Variants in SH3D19 observed in about 807,000 individuals in gnomAD.
The protein encoded by SH3D19 is SH3 domain-containing protein 19.
Under a neutral mutation model 112.1 loss-of-function variants are expected in SH3D19, and 58 were observed. That is an observed-to-expected ratio of 0.52 (90% CI 0.42 to 0.64). The LOEUF is 0.64. Ranked by LOEUF, SH3D19 falls within the 30% of genes least tolerant of loss-of-function variation. The probability of loss-of-function intolerance (pLI) is 0.00; values close to 1 mark genes in which losing one functional copy is unlikely to be tolerated. For synonymous variants in SH3D19, 391 were observed against 448.5 expected, an observed-to-expected ratio of 0.87 and a Z score of 1.62; for missense variants, 1,090 against 1,263.4, an observed-to-expected ratio of 0.86 and a Z score of 2.08.
intron 1 of SH3D19, among the ~76,000 whole-genome samples, chr4:151,296,794 T>C (rs1278786029): frequency 6.6e-6 from 1 of 152,226 alleles, no homozygotes; most frequent in East Asian, 1.9e-4. Flanking sequence ...GCAATTTTTT[T>C]CCTAAATGTG....
At chr4:151,125,767 G>A (rs1749128638) in intron 19 of SH3D19, among the ~76,000 whole-genome samples, 1 of 143,382 alleles carries the variant, frequency 7.0e-6, no homozygotes, top group East Asian at 2.1e-4. Flanking sequence ...CAGAAGAATT[G>A]CTTGAACCCA....
At chr4:151,302,594 T>C (rs1264084877) in intron 1 of SH3D19, among the ~76,000 whole-genome samples, 1 of 152,212 alleles carries the variant, frequency 6.6e-6, no homozygotes, top group East Asian at 1.9e-4. Context: ...TTTGTTGCAA[T>C]GACTCAACTC....
intron 1 of SH3D19, among the ~76,000 whole-genome samples, chr4:151,237,335 T>C (rs934310853): frequency 4.6e-5 from 7 of 152,242 alleles, no homozygotes; most frequent in African/African-American, 1.4e-4. Context: ...CTATCACTTA[T>C]ATATCTTTGA....
In SH3D19 at chr4:151,128,302, T is replaced by C. The variant is rs769643361; in HGVS notation, c.2797A>G (p.Thr933Ala). ...CEALHSFTAE[T>A]SDDLSFKRGD... The stretch of plus-strand genomic sequence containing the variant: ...CTCTTGAATGATAAGTCATCACTGG[T>C]CTCTGCTGTAAAACTGTGAAGAGCT... Residue 933 changes from threonine (T) to alanine (A), a missense_variant, in exon 18 of 20, where the codon ACC becomes GCC. By Grantham distance (58) the Thr-to-Ala change is moderately conservative. Coordinates refer to ENST00000604030, the MANE Select transcript of SH3D19 (RefSeq NM_001378122.1). 1 of 1,614,106 alleles carries C rather than the reference T, an allele frequency of 6.2e-7. No individual in the cohort carries two copies. Among genetic ancestry groups the C allele is most frequent in the South Asian group, 1.1e-5 (1 of 91,062 alleles).
intron 2 of SH3D19, among the ~76,000 whole-genome samples, chr4:151,197,284 G>A (rs907472072): frequency 6.6e-6 from 1 of 152,146 alleles, no homozygotes; most frequent in Non-Finnish European, 1.5e-5. Flanking sequence ...GGGCACCTTA[G>A]GGTAAAATAA....
chr4:151,192,229 G>T (rs1163528924), intron 2 of SH3D19, among the ~76,000 whole-genome samples: 3 of 152,118 alleles, frequency 2.0e-5, no homozygotes, highest in Non-Finnish European at 2.9e-5. Context: ...GAGCCACCGC[G>T]CCCGGCAAGA....
intron 18 of SH3D19, 103 bp downstream of exon 18, chr4:151,128,065 TAG>T (rs1215348720): frequency 1.3e-5 from 12 of 906,122 alleles, no homozygotes; most frequent in Non-Finnish European, 1.9e-5. Flanking sequence ...CTTTCAAATA[TAG>T]ACAGACAAAC....
chr4:151,271,179 A>AC (rs1561417869), intron 1 of SH3D19, among the ~76,000 whole-genome samples: 2 of 151,478 alleles, frequency 1.3e-5, no homozygotes, highest in East Asian at 1.9e-4. Context: ...TTTCACTTTG[A>AC]CCCCCCAAAG....
intron 1 of SH3D19, among the ~76,000 whole-genome samples, chr4:151,307,802 C>T (rs568393940): frequency 2.0e-5 from 3 of 152,346 alleles, no homozygotes; most frequent in African/African-American, 7.2e-5. Flanking sequence ...CAGGGTGAGC[C>T]ATGAGCAGAA....
intron 2 of SH3D19, among the ~76,000 whole-genome samples, chr4:151,196,424 G>C (rs1763480672): frequency 6.6e-6 from 1 of 152,022 alleles, no homozygotes; most frequent in African/African-American, 2.4e-5. Context: ...GAAAGACCCT[G>C]TCTCAAAAAC....
chr4:151,195,299 C>G (rs1219467834), intron 2 of SH3D19, among the ~76,000 whole-genome samples: 2 of 133,874 alleles, frequency 1.5e-5, no homozygotes, highest in Non-Finnish European at 3.1e-5. Flanking sequence ...GTGAACCCAG[C>G]AGGCGGAGCG....
At chr4:151,323,781 A>C (rs1198659645) in intron 1 of SH3D19, among the ~76,000 whole-genome samples, 1 of 152,212 alleles carries the variant, frequency 6.6e-6, no homozygotes, top group Non-Finnish European at 1.5e-5. Flanking sequence ...CTTTGGAATA[A>C]ATACACATAT....
chr4:151,162,808 C>T (rs564183536), intron 8 of SH3D19, among the ~76,000 whole-genome samples: 85 of 152,220 alleles, frequency 5.6e-4, no homozygotes, highest in African/African-American at 1.9e-3. Context: ...CTCCTGACCT[C>T]ACGTGATCCA....
Position 151,247,456 on chromosome 4 carries a change from T to C in SH3D19, c.113-21370A>G, listed in dbSNP as rs552845013. On this transcript the variant is annotated intron_variant, in intron 1 of 19. Transcript: ENST00000604030. ...TTCAGATTTTCTAAGAGTTCTGGAG[T>C]CAGATACAGTCATATATTTTCTATT... 9.2e-5 allele frequency among the ~76,000 whole-genome samples: 14 copies of C among 152,280 alleles called. No individual in the cohort carries two copies. In the South Asian group the frequency reaches 2.5e-3, roughly 27 times the overall value.
chr4:151,227,862 C>A, intron 1 of SH3D19: 1 of 985,422 alleles, frequency 1.0e-6, no homozygotes, highest in South Asian at 4.7e-5. Context: ...AATTTCCCCA[C>A]TAATCTTCCT....
intron 1 of SH3D19, chr4:151,291,150 T>C (rs1441552282): frequency 1.2e-6 from 2 of 1,613,602 alleles, no homozygotes; most frequent in Non-Finnish European, 8.5e-7. Flanking sequence ...CGTGTCACAT[T>C]GATGGTGTAT....
intron 2 of SH3D19, among the ~76,000 whole-genome samples, chr4:151,189,604 TAA>T (rs1307086524): frequency 6.6e-6 from 1 of 152,170 alleles, no homozygotes; most frequent in Non-Finnish European, 1.5e-5. Context: ...CTGATGGTTT[TAA>T]AAAGAGGCAT....
chr4:151,127,323 CTAA>C (rs975762606), intron 19 of SH3D19, among the ~76,000 whole-genome samples: 5 of 152,170 alleles, frequency 3.3e-5, no homozygotes, highest in Non-Finnish European at 7.3e-5. Context: ...AATAAAAACC[CTAA>C]TATTACTGAG....
intron 1 of SH3D19, among the ~76,000 whole-genome samples, chr4:151,288,714 G>A (rs1402467718): frequency 1.3e-5 from 2 of 152,000 alleles, no homozygotes; most frequent in African/African-American, 4.8e-5. Context: ...GTATTTCCAT[G>A]CAGTTGCAAT....
Sources: gnomAD v4.1 joint callset for allele counts (sites outside exome capture counted in the v4.1 genomes callset) on GRCh38, gnomAD v4.1.1 for gene constraint, MANE v1.5 for transcripts, NCBI Gene and HGNC (gene_info 2026-07-23, HGNC 2026-07-21) for gene names.